PHACTR1: variants seen among roughly 807,000 people sequenced by gnomAD.
The protein encoded by PHACTR1 is RPEL repeat containing 1.
PHACTR1 carries 16 observed loss-of-function variants against 69.2 expected under a neutral mutation model. The observed-to-expected ratio is 0.23, with a 90% confidence interval of 0.16 to 0.35. The LOEUF is 0.35. Ranked by LOEUF, PHACTR1 falls within the 10% of genes least tolerant of loss-of-function variation. The probability of loss-of-function intolerance (pLI) is 1.00; values close to 1 mark genes in which losing one functional copy is unlikely to be tolerated. For missense variants in PHACTR1, 510 were observed against 734.7 expected (o/e 0.69, Z 3.54); for synonymous variants, 312 against 284.5 (o/e 1.10, Z -0.97).
intron 5 of PHACTR1, among the ~76,000 whole-genome samples, chr6:13,128,423 A>C (rs1425437258): frequency 6.6e-6 from 1 of 151,730 alleles, no homozygotes; most frequent in African/African-American, 2.4e-5. Flanking sequence ...TATGGATGAA[A>C]AATGCCCCAG....
At chr6:12,875,076 G>A (rs981066134) in intron 4 of PHACTR1, among the ~76,000 whole-genome samples, 18 of 152,094 alleles carry the variant, frequency 1.2e-4, no homozygotes, top group African/African-American at 4.1e-4. Flanking sequence ...TATGTAAAAA[G>A]AACCAAGCTT....
intron 5 of PHACTR1, among the ~76,000 whole-genome samples, chr6:13,149,562 A>G (rs1437792610): frequency 6.6e-6 from 1 of 152,190 alleles, no homozygotes; most frequent in African/African-American, 2.4e-5. Flanking sequence ...GGTTTACACA[A>G]GTAGAGTGGT....
At chr6:13,202,627 G>A (rs956508159) in intron 7 of PHACTR1, among the ~76,000 whole-genome samples, 25 of 152,078 alleles carry the variant, frequency 1.6e-4, no homozygotes, top group African/African-American at 5.8e-4. Context: ...ACAGGCACCT[G>A]CCACCACACC....
At chr6:13,027,889 C>T (rs546171163) in intron 4 of PHACTR1, among the ~76,000 whole-genome samples, 1 of 152,292 alleles carries the variant, frequency 6.6e-6, no homozygotes, top group East Asian at 1.9e-4. Flanking sequence ...GTTGGCCAGG[C>T]TGGTCTCGAA....
At chr6:13,184,978 A>G in intron 7 of PHACTR1, 1 of 1,366,146 alleles carries the variant, frequency 7.3e-7, no homozygotes, top group Non-Finnish European at 9.8e-7. Context: ...TCCCAAACCC[A>G]CTACCAGGAT....
intron 4 of PHACTR1, among the ~76,000 whole-genome samples, chr6:12,856,133 T>C (rs1227661603): frequency 1.3e-5 from 2 of 152,212 alleles, no homozygotes; most frequent in Admixed American, 1.3e-4. Flanking sequence ...CCCTATCTTC[T>C]TGGGACCCTA....
At chr6:13,200,012 C>T (rs1764988821) in intron 7 of PHACTR1, among the ~76,000 whole-genome samples, 1 of 152,148 alleles carries the variant, frequency 6.6e-6, no homozygotes, top group Non-Finnish European at 1.5e-5. Context: ...TTACTTTTTA[C>T]ATGTTGGGAG....
At chr6:12,859,556 A>T (rs1200890697) in intron 4 of PHACTR1, among the ~76,000 whole-genome samples, 1 of 152,198 alleles carries the variant, frequency 6.6e-6, no homozygotes, top group Non-Finnish European at 1.5e-5. Flanking sequence ...TATGCAGGTA[A>T]AAGTCCAGAG....
chr6:13,262,341 G>A (rs1209813304), intron 10 of PHACTR1, among the ~76,000 whole-genome samples: 2 of 152,172 alleles, frequency 1.3e-5, no homozygotes, highest in African/African-American at 4.8e-5. Flanking sequence ...ATTCATTTGG[G>A]ACCCTTTAAG....
intron 5 of PHACTR1, among the ~76,000 whole-genome samples, chr6:13,105,089 GA>G (rs1384049307): frequency 6.6e-6 from 1 of 152,182 alleles, no homozygotes; most frequent in African/African-American, 2.4e-5. Context: ...CTGTCTTTAA[GA>G]ATGACTGTTG....
chr6:12,851,980 ACG>A (rs1779869707), intron 4 of PHACTR1, among the ~76,000 whole-genome samples: 1 of 152,074 alleles, frequency 6.6e-6, no homozygotes, highest in African/African-American at 2.4e-5. Flanking sequence ...GATTACAGGT[ACG>A]CGCCACCACA....
intron 4 of PHACTR1, among the ~76,000 whole-genome samples, chr6:12,845,981 T>C (rs982034802): frequency 1.3e-5 from 2 of 152,192 alleles, no homozygotes; most frequent in Non-Finnish European, 2.9e-5. Context: ...GCCAGCAAGG[T>C]GAATAGTTTA....
At chr6:12,866,179 C>T (rs540977320) in intron 4 of PHACTR1, among the ~76,000 whole-genome samples, 11 of 152,248 alleles carry the variant, frequency 7.2e-5, no homozygotes, top group Middle Eastern at 3.4e-3. Flanking sequence ...TTATTCTTTC[C>T]GTGTGCCTAA....
intron 4 of PHACTR1, among the ~76,000 whole-genome samples, chr6:12,928,554 T>C (rs1013794382): frequency 6.6e-6 from 1 of 152,206 alleles, no homozygotes; most frequent in Non-Finnish European, 1.5e-5. Context: ...ACAGAGTATT[T>C]GCATCTGTGC....
intron 10 of PHACTR1, among the ~76,000 whole-genome samples, chr6:13,251,609 AG>A (rs947515370): frequency 9.2e-5 from 14 of 152,310 alleles, no homozygotes; most frequent in African/African-American, 3.4e-4. Flanking sequence ...ACCATAAGGA[AG>A]GGAAGAGAAC....
chr6:12,770,423 A>G (rs1212990963), intron 4 of PHACTR1, among the ~76,000 whole-genome samples: 1 of 152,198 alleles, frequency 6.6e-6, no homozygotes, highest in African/African-American at 2.4e-5. Flanking sequence ...AGGCTGGCCC[A>G]GTCTGGGAGA....
chr6:13,133,554 C>T (rs1337361813), intron 5 of PHACTR1, among the ~76,000 whole-genome samples: 1 of 152,130 alleles, frequency 6.6e-6, no homozygotes, highest in Non-Finnish European at 1.5e-5. Context: ...GCCTCGGCCT[C>T]CCGAGGTGCC....
intron 10 of PHACTR1, among the ~76,000 whole-genome samples, chr6:13,250,750 G>A (rs1264639081): frequency 4.6e-5 from 7 of 152,164 alleles, no homozygotes; most frequent in South Asian, 2.1e-4. Flanking sequence ...AAGGAGGGTC[G>A]CCAACGAGTA....
intron 4 of PHACTR1, among the ~76,000 whole-genome samples, chr6:12,913,868 C>A (rs577298960): frequency 6.6e-6 from 1 of 152,320 alleles, no homozygotes; most frequent in African/African-American, 2.4e-5. Context: ...ATTTTTGACA[C>A]TTTTGAAGAT....
Sources: gnomAD v4.1 joint callset for allele counts (sites outside exome capture counted in the v4.1 genomes callset) on GRCh38, gnomAD v4.1.1 for gene constraint, MANE v1.5 for transcripts, NCBI Gene and HGNC (gene_info 2026-07-23, HGNC 2026-07-21) for gene names.